The following MESD variants were observed in gnomAD, a reference collection of about 807,000 sequenced individuals.
MESD encodes the protein mesoderm development LRP chaperone.
A neutral mutation model predicts 12.9 loss-of-function variants in MESD; 7 were observed. The ratio of observed to expected loss-of-function variants is 0.54; its 90% confidence interval spans 0.31 to 1.02. MESD has a LOEUF of 1.02. Ranked by LOEUF, MESD falls within the 50% of genes least tolerant of loss-of-function variation. The pLI is 0.05. For synonymous variants in MESD, 126 were observed against 115.6 expected, an observed-to-expected ratio of 1.09 and a Z score of -0.58; for missense variants, 342 against 296.7, an observed-to-expected ratio of 1.15 and a Z score of -1.12.
rs1016715813 is a variant in MESD, at chr15:80,953,845, G to A, written c.*289-1549C>T. ...CTAACAACATCTGCCTAAAGAAAAC[G>A]CAACGGCACAAAGCTGGAAGCAGGC... On this transcript the variant is annotated intron_variant, in intron 3 of 4. Transcript: ENST00000561312. Among the ~76,000 whole-genome samples the A allele has an allele frequency of 1.2e-4, 18 of 152,256 alleles. 2 individuals carry two copies. Among genetic ancestry groups the A allele is most frequent in the East Asian group, 1.2e-3 (6 of 5,178 alleles).
chr15:80,949,620 C>T (rs1209334195), intron 4 of MESD: 1 of 160,428 alleles, frequency 6.2e-6, no homozygotes, highest in Non-Finnish European at 1.4e-5. Context: ...CATGGATATC[C>T]ACTGATATCC....
downstream of MESD, among the ~76,000 whole-genome samples, chr15:80,975,497 A>T (rs1488759818): frequency 1.3e-5 from 2 of 152,202 alleles, no homozygotes; most frequent in Admixed American, 1.3e-4. Context: ...GTGGGTGCAG[A>T]AGGTGGATAT....
At chr15:80,966,236 C>T (rs1264561603) in intron 3 of MESD, among the ~76,000 whole-genome samples, 1 of 151,636 alleles carries the variant, frequency 6.6e-6, no homozygotes, top group Non-Finnish European at 1.5e-5. Context: ...ACATACATAT[C>T]TGGGGATTTA....
chr15:80,983,179 G>A (rs1858703440), intron 1 of MESD, among the ~76,000 whole-genome samples: 1 of 151,956 alleles, frequency 6.6e-6, no homozygotes, highest in Non-Finnish European at 1.5e-5. Context: ...GGAGATCAGG[G>A]CTGCAGTAAG....
intron 3 of MESD, among the ~76,000 whole-genome samples, chr15:80,962,105 G>A (rs78021932): frequency 6.6e-6 from 1 of 152,320 alleles, no homozygotes; most frequent in African/African-American, 2.4e-5. Context: ...CATCTCACGT[G>A]CAGAGATGCA....
exon 4 of MESD, chr15:80,952,269 C>G: frequency 2.2e-6 from 1 of 455,972 alleles, no homozygotes; most frequent in South Asian, 1.6e-5. Context: ...GAGGGCACCT[C>G]AGGCAGCACT....
rs899418764 is a variant in MESD at position 80,960,089 on chromosome 15, C to A, written c.*289-7793G>T. Reference sequence around the variant, plus strand: ...GGTTTAAGACAGCACTGAGTCCAGGCGTGGTGGCTCACACCTGTAATCCCA... The same window carrying A: ...GGTTTAAGACAGCACTGAGTCCAGGAGTGGTGGCTCACACCTGTAATCCCA... On this transcript the variant is annotated intron_variant, in intron 3 of 4. Coordinates refer to the MESD transcript ENST00000561312. Among the ~76,000 whole-genome samples the A allele has an allele frequency of 5.9e-5, 9 of 152,162 alleles. No individual in the cohort carries two copies. In the East Asian group the frequency reaches 1.3e-3, roughly 23 times the overall value.
At position 80,989,624 on chromosome 15, in the gene MESD, G is replaced by C; in HGVS notation, c.168C>G (p.Arg56=). The change falls in exon 1 of 3, where the codon CGC becomes CGG. Residue 56 remains arginine, a synonymous_variant. Coordinates refer to ENST00000261758, the MANE Select transcript of MESD (RefSeq NM_015154.3). ...PPPRKKKKDI[R]DYNDADMARL... ...GCGCCATGTCTGCATCATTGTAATC[G>C]CGAATATCCTTCTTCTTCTTCCGGG... The C allele has an allele frequency of 6.2e-7, 1 of 1,613,988 alleles. No individual in the cohort carries two copies. Among genetic ancestry groups the C allele is most frequent in the South Asian group, 1.1e-5 (1 of 91,074 alleles).
intron 1 of MESD, among the ~76,000 whole-genome samples, chr15:80,988,246 A>G (rs1695775308): frequency 6.6e-6 from 1 of 152,262 alleles, no homozygotes; most frequent in African/African-American, 2.4e-5. Flanking sequence ...TCTAGAAAAT[A>G]GGGATAAGTA....
downstream of MESD, chr15:80,947,284 G>A (rs187523746): frequency 1.9e-6 from 1 of 517,684 alleles, no homozygotes; most frequent in Non-Finnish European, 3.5e-6. Flanking sequence ...ATTATAACTT[G>A]CCACCAGCCA....
At chr15:80,983,454 G>T (rs1245772635) in intron 1 of MESD, among the ~76,000 whole-genome samples, 2 of 152,064 alleles carry the variant, frequency 1.3e-5, no homozygotes, top group African/African-American at 2.4e-5. Flanking sequence ...ACATATTGAG[G>T]GTAATGAGAG....
At chr15:80,968,964 G>A (rs1258283892) in intron 3 of MESD, among the ~76,000 whole-genome samples, 3 of 152,206 alleles carry the variant, frequency 2.0e-5, no homozygotes, top group South Asian at 2.1e-4. Context: ...CAAGGTGGGA[G>A]GATTGCTTGA....
Position 80,989,560 on chromosome 15 carries a change from G to T in MESD, c.213+19C>A. The T allele has an allele frequency of 1.2e-6, 2 of 1,609,856 alleles. No homozygotes were observed. The highest frequency in any genetic ancestry group is 8.5e-7 in the Non-Finnish European group (1 of 1,177,558). On this transcript the variant is annotated intron_variant, in intron 1 of 2. Transcript: ENST00000261758. ...TCCCGCACAGAGAAGAGCCGGGAGG[G>T]TGTGCGCGCGCCGCGGACCTCCCAT...
exon 5 of MESD, chr15:80,948,466 G>C (rs959015991): frequency 6.7e-5 from 26 of 388,636 alleles, no homozygotes; most frequent in East Asian, 4.8e-4. Context: ...GGTTGTCCTA[G>C]GGGCAGCTCA....
intron 1 of MESD, among the ~76,000 whole-genome samples, chr15:80,983,124 T>C (rs934735025): frequency 1.3e-5 from 2 of 152,046 alleles, no homozygotes; most frequent in Admixed American, 6.5e-5. Context: ...GTGCCTGTAG[T>C]CCTAGCTACT....
downstream of MESD, chr15:80,946,957 T>C: frequency 3.7e-6 from 6 of 1,601,066 alleles, no homozygotes; most frequent in South Asian, 1.1e-5. Context: ...TGGTTTCTTC[T>C]CACACAGTTC....
At chr15:80,986,215 T>C (rs1331784308) in intron 1 of MESD, among the ~76,000 whole-genome samples, 2 of 152,124 alleles carry the variant, frequency 1.3e-5, no homozygotes, top group Non-Finnish European at 2.9e-5. Context: ...CCTAAAATAG[T>C]TGTGTTCACA....
Position 80,964,384 on chromosome 15 carries a change from T to C in MESD, c.*289-12088A>G, listed in dbSNP as rs113491361. On this transcript the variant is annotated intron_variant, in intron 3 of 4. Coordinates refer to the MESD transcript ENST00000561312. ...TGGATCAATATCATGAAAAAGGCCA[T>C]ACTGCCCAAAGTAATTTATAGATTC... is the stretch of plus-strand genomic sequence containing the variant. Among the ~76,000 whole-genome samples the C allele has an allele frequency of 2.6e-5, 4 of 152,308 alleles. 1 individual carries two copies. Among genetic ancestry groups the C allele is most frequent in the African/African-American group, 9.6e-5 (4 of 41,576 alleles).
chr15:80,988,602 A>T (rs961070511), intron 1 of MESD, among the ~76,000 whole-genome samples: 1 of 152,224 alleles, frequency 6.6e-6, no homozygotes, highest in Non-Finnish European at 1.5e-5. Context: ...ACAAGCCTGC[A>T]TTCTTCTAGT....
Sources: allele counts gnomAD v4.1 joint callset (sites outside exome capture counted in the v4.1 genomes callset), GRCh38; gene constraint gnomAD v4.1.1; transcripts MANE v1.5; gene names NCBI Gene and HGNC (gene_info 2026-07-23, HGNC 2026-07-21).